INTS2: variants seen among roughly 807,000 people sequenced by gnomAD.
The protein encoded by INTS2 is integrator complex subunit 2, also known as KIAA1287.
A neutral mutation model predicts 139.6 loss-of-function variants in INTS2; 57 were observed. The observed-to-expected ratio is 0.41, with a 90% confidence interval of 0.33 to 0.51. The LOEUF (loss-of-function observed/expected upper bound fraction) is 0.51, where lower values mean the gene tolerates loss of function less well. Among genes scored for constraint, INTS2 ranks in the 20% least tolerant of loss-of-function variants. The pLI is 0.28. For missense variants in INTS2, 1,196 were observed against 1,436.7 expected, an observed-to-expected ratio of 0.83 and a Z score of 2.71; for synonymous variants, 473 against 493.4, an observed-to-expected ratio of 0.96 and a Z score of 0.55.
rs917813224 is a variant in INTS2 at position 61,876,634 on chromosome 17, G to A, written c.2456+1253C>T. 6.6e-6 allele frequency among the ~76,000 whole-genome samples: 1 copy of A among 151,948 alleles called. No homozygotes were observed. Among genetic ancestry groups the A allele is most frequent in the East Asian group, 1.9e-4 (1 of 5,176 alleles). ...ATTTTTGTATTTTTTGTAGAGACGG[G>A]GTTTCACCATGTTGCCCAAGCTGGT... On this transcript the variant is annotated intron_variant, in intron 18 of 24. Transcript: ENST00000251334. This position sits in a 1 kb window ranked among gnomAD's most constrained non-coding sequence, Gnocchi z 4.1.
At chr17:61,923,498 A>C (rs1360682843) in intron 3 of INTS2, among the ~76,000 whole-genome samples, 1 of 151,296 alleles carries the variant, frequency 6.6e-6, no homozygotes, top group Non-Finnish European at 1.5e-5. Flanking sequence ...AAAAAAAAAA[A>C]AAAACTATCT....
Position 61,868,936 on chromosome 17 carries a change from AG to A in INTS2, c.3244+97del. On this transcript the variant is annotated intron_variant, in intron 23 of 24. Coordinates refer to ENST00000251334, the MANE Select transcript of INTS2 (RefSeq NM_001351695.2). This position sits in a 1 kb window ranked among gnomAD's most constrained non-coding sequence, Gnocchi z 4.7. ...AACACATATTGTATCATACTGTCTC[AG>A]AGTGACAGAAAAAACATATTGCATC... 1 of 717,282 alleles carries A rather than the reference AG, an allele frequency of 1.4e-6. No homozygotes were observed. Among genetic ancestry groups the A allele is most frequent in the Admixed American group, 2.4e-5 (1 of 41,036 alleles). The allele number at this position is 717,282 out of a possible 1,614,324, so 44.4% of individuals were successfully genotyped here.
At chr17:61,884,149 T>C (rs1206518769) in intron 16 of INTS2, among the ~76,000 whole-genome samples, 1 of 152,054 alleles carries the variant, frequency 6.6e-6, no homozygotes, top group African/African-American at 2.4e-5. Flanking sequence ...CTACCTGTAC[T>C]GATATGTAAA....
At chr17:61,926,966 T>C (rs995488184) in intron 1 of INTS2, 5 of 388,892 alleles carry the variant, frequency 1.3e-5, no homozygotes, top group African/African-American at 8.2e-5. Context: ...CAAAATAGTA[T>C]TACTAGTTAG....
rs1181239029 is a variant in INTS2 at position 61,871,662 on chromosome 17, C to T, written c.2778+603G>A. ...ATATTGGTTGAATGAGGCCGGGTGC[C>T]GTGGCTCATGCCTGTAATCCCAGCA... is the stretch of plus-strand genomic sequence containing the variant. On this transcript the variant is annotated intron_variant, in intron 20 of 24. Coordinates refer to ENST00000251334, the MANE Select transcript of INTS2 (RefSeq NM_001351695.2). The surrounding 1 kb of genome is among the most constrained non-coding windows in gnomAD (Gnocchi z 4.9). Among the ~76,000 whole-genome samples the T allele has an allele frequency of 6.6e-6, 1 of 151,886 alleles. No homozygotes were observed. Among genetic ancestry groups the T allele is most frequent in the Non-Finnish European group, 1.5e-5 (1 of 67,946 alleles).
At chr17:61,894,501 G>A (rs936949602) in intron 12 of INTS2, among the ~76,000 whole-genome samples, 5 of 152,224 alleles carry the variant, frequency 3.3e-5, no homozygotes, top group Admixed American at 1.3e-4. Context: ...GTGCATATGC[G>A]TGTTGAGGGT....
chr17:61,876,187 A>AC lies in INTS2; in HGVS notation c.2457-1150_2457-1149insG, dbSNP rs2079125261. ...TGTATCTAAAAAGTAAAAATAAAAAATAATTTTTTAAAAAATGAACTAGAA... is the reference window on the plus strand; with the variant it reads ...TGTATCTAAAAAGTAAAAATAAAAAACTAATTTTTTAAAAAATGAACTAGAA... On this transcript the variant is annotated intron_variant, in intron 18 of 24. Coordinates refer to ENST00000251334, the MANE Select transcript of INTS2 (RefSeq NM_001351695.2). This position sits in a 1 kb window ranked among gnomAD's most constrained non-coding sequence, Gnocchi z 4.1. Among the ~76,000 whole-genome samples, 2 of 152,114 alleles carry AC rather than the reference A, an allele frequency of 1.3e-5. No homozygotes were observed. The highest frequency in any genetic ancestry group is 6.5e-5 in the Admixed American group (1 of 15,276).
At chr17:61,924,886 C>G (rs1290431829) in intron 3 of INTS2, 75 bp downstream of exon 3, 1 of 1,459,632 alleles carries the variant, frequency 6.9e-7, no homozygotes, top group Non-Finnish European at 9.4e-7. Flanking sequence ...GACTTCTTGT[C>G]TCTTTTTCTG....
chr17:61,881,741 A>C (rs1448983018), intron 16 of INTS2, among the ~76,000 whole-genome samples: 1 of 152,250 alleles, frequency 6.6e-6, no homozygotes, highest in African/African-American at 2.4e-5. Context: ...TTGTGCATGC[A>C]AACTACAGTT....
At position 61,907,348 on chromosome 17, in the gene INTS2, T is replaced by C. The variant is rs1026137722; in HGVS notation, c.1181+60A>G. ...AATAAAAGGCCTTTGGCTCACTTTCTTGAGAATAGAAACAAGAAGGTAAAA... is the reference window on the plus strand; with the variant it reads ...AATAAAAGGCCTTTGGCTCACTTTCCTGAGAATAGAAACAAGAAGGTAAAA... On this transcript the variant is annotated intron_variant, in intron 8 of 24. Coordinates refer to ENST00000251334, the MANE Select transcript of INTS2 (RefSeq NM_001351695.2). 5.6e-6 allele frequency: 8 copies of C among 1,421,696 alleles called. No individual in the cohort carries two copies. In the African/African-American group the frequency reaches 7.1e-5, roughly 13 times the overall value. The allele number at this position is 1,421,696 out of a possible 1,614,324, so 88.1% of individuals were successfully genotyped here.
rs138708970 is a variant in INTS2 at position 61,909,611 on chromosome 17, T to A, written c.954+1909A>T. Among the ~76,000 whole-genome samples the A allele has an allele frequency of 6.6e-6, 1 of 152,252 alleles. No individual in the cohort carries two copies. The highest frequency in any genetic ancestry group is 1.9e-4 in the East Asian group (1 of 5,180). On this transcript the variant is annotated intron_variant, in intron 7 of 24. Transcript: ENST00000251334. The surrounding 1 kb of genome is among the most constrained non-coding windows in gnomAD (Gnocchi z 4.9). ...ATGTGTATTATCCCACTCGCTTATG[T>A]CCATGTGTACACATGATTAGCACCC...
chr17:61,869,362 A>G lies in INTS2; in HGVS notation c.3049T>C (p.Leu1017=), dbSNP rs1392249816. 3.1e-6 allele frequency: 5 copies of G among 1,603,064 alleles called. No homozygotes were observed. Among genetic ancestry groups the G allele is most frequent in the Non-Finnish European group, 4.3e-6 (5 of 1,174,042 alleles). The part of the protein sequence containing the change: ...VHFQGYPCEL[L]PLTVAGIPSM... ...GGAATACCTGCGACCGTCAGAGGCA[A>G]AAGTTCACATGGATAACCCTATCTC... is the stretch of plus-strand genomic sequence containing the variant. Residue 1017 remains leucine, a synonymous_variant, in exon 22 of 25, where the codon TTG becomes CTG. Transcript: ENST00000251334. The surrounding 1 kb of genome is among the most constrained non-coding windows in gnomAD (Gnocchi z 5.4).
At chr17:61,911,229 G>T in intron 7 of INTS2, 1 of 390,762 alleles carries the variant, frequency 2.6e-6, no homozygotes, top group Admixed American at 4.3e-5. Context: ...AAGTAGCTAG[G>T]ACTATAGGCA....
intron 17 of INTS2, among the ~76,000 whole-genome samples, chr17:61,880,200 C>T (rs918254934): frequency 4.6e-5 from 7 of 152,024 alleles, no homozygotes; most frequent in Non-Finnish European, 7.4e-5. Context: ...CCCACGACCA[C>T]GCCCGGCTAA....
intron 18 of INTS2, among the ~76,000 whole-genome samples, chr17:61,877,355 T>C (rs1286936883): frequency 6.6e-6 from 1 of 152,218 alleles, no homozygotes; most frequent in Non-Finnish European, 1.5e-5. Context: ...TTCTGTTTTC[T>C]AGACCTGTCC....
Position 61,866,395 on chromosome 17 carries a change from T to C in INTS2, c.*1162A>G, listed in dbSNP as rs1440120587. ...AAAAAACACAAGTGAAGAGGTCTGT[T>C]TCAAGTGGGGGTGGGGAAGTGTGTG... On this transcript the variant is annotated 3_prime_UTR_variant, in exon 25 of 25. Coordinates refer to ENST00000251334, the MANE Select transcript of INTS2 (RefSeq NM_001351695.2). The C allele has an allele frequency of 2.0e-5, 3 of 151,632 alleles. No individual in the cohort carries two copies. The highest frequency in any genetic ancestry group is 6.6e-5 in the Admixed American group (1 of 15,194). The allele number at this position is 151,632 out of a possible 1,614,324, so 9.4% of individuals were successfully genotyped here.
intron 15 of INTS2, among the ~76,000 whole-genome samples, chr17:61,885,723 ATTTT>A (rs1306536844): frequency 2.3e-5 from 2 of 87,192 alleles, no homozygotes; most frequent in African/African-American, 5.4e-5. Context: ...GGCCCGGCCA[ATTTT>A]TTTTTTTTTT....
At position 61,909,815 on chromosome 17, in the gene INTS2, ATG is replaced by A. The variant is rs765163741; in HGVS notation, c.954+1703_954+1704del. Among the ~76,000 whole-genome samples the A allele has an allele frequency of 6.8e-3, 496 of 72,526 alleles. 3 individuals carry two copies. The highest frequency in any genetic ancestry group is 0.017 in the Middle Eastern group (3 of 176). The allele number at this position is 72,526 out of a possible 152,430, so 47.6% of individuals were successfully genotyped here. A position where few individuals can be genotyped will look rare whatever the true frequency, so the allele number is the denominator to read the frequency against. ...TATACATATATACGTGTGTGTGTACATGTGTGTATGTGTGTGTGTGTGTGTGT... is the reference window on the plus strand; with the variant it reads ...TATACATATATACGTGTGTGTGTACATGTGTATGTGTGTGTGTGTGTGTGT... On this transcript the variant is annotated intron_variant, in intron 7 of 24. Transcript: ENST00000251334. This position sits in a 1 kb window ranked among gnomAD's most constrained non-coding sequence, Gnocchi z 4.9.
At chr17:61,895,095 A>T (rs1356102122) in intron 12 of INTS2, among the ~76,000 whole-genome samples, 2 of 152,186 alleles carry the variant, frequency 1.3e-5, no homozygotes, top group Non-Finnish European at 2.9e-5. Context: ...AGTCTCCAAA[A>T]ATACATAAAT....
Sources: gnomAD v4.1 joint callset for allele counts (sites outside exome capture counted in the v4.1 genomes callset) on GRCh38, gnomAD v4.1.1 for gene constraint, Gnocchi (gnomAD v3.1) non-coding constraint, MANE v1.5 for transcripts, NCBI Gene and HGNC (gene_info 2026-07-23, HGNC 2026-07-21) for gene names.